The following MYO3B variants were observed in gnomAD, a reference collection of about 807,000 sequenced individuals.
The protein encoded by MYO3B is myosin-IIIb.
Under a neutral mutation model 174.6 loss-of-function variants are expected in MYO3B, and 156 were observed. The observed-to-expected ratio is 0.89, with a 90% CI of 0.78 to 1.02. The LOEUF (loss-of-function observed/expected upper bound fraction) is 1.02. Ranked by LOEUF, MYO3B falls within the 50% of genes least tolerant of loss-of-function variation. The pLI, the probability that MYO3B is intolerant of heterozygous loss-of-function variation, is 0.00. For missense variants in MYO3B, 1,632 were observed against 1,639.4 expected (o/e 1.00, Z 0.08); for synonymous variants, 563 against 569.1 (o/e 0.99, Z 0.15).
At chr2:170,342,480 G>C (rs1439483950) in intron 8 of MYO3B, 2 of 152,206 alleles carry the variant, frequency 1.3e-5, no homozygotes, top group Non-Finnish European at 2.9e-5. Context: ...AGCTGTGGAA[G>C]AGCTGTGCTA....
At position 170,542,956 on chromosome 2, in the gene MYO3B, A is replaced by T. The variant is rs1264190256; in HGVS notation, c.3626A>T (p.His1209Leu). The change falls in exon 31 of 35, where the codon CAT becomes CTT. Residue 1209 changes from histidine (H) to leucine (L), a missense_variant. Transcript: ENST00000408978. ...SPKGCDIFAG[H>L]ANKHSVSGTD... Reference sequence around the variant, plus strand: ...AAAGGGTGCGATATCTTCGCAGGACATGCAAACAAGGTAGCTGGATATCTT... The same window carrying T: ...AAAGGGTGCGATATCTTCGCAGGACTTGCAAACAAGGTAGCTGGATATCTT... 6.2e-7 allele frequency: 1 copy of T among 1,609,876 alleles called. No homozygotes were observed. Among genetic ancestry groups the T allele is most frequent in the Non-Finnish European group, 8.5e-7 (1 of 1,177,676 alleles).
chr2:170,412,366 G>A (rs2094551539), intron 22 of MYO3B: 1 of 152,166 alleles, frequency 6.6e-6, no homozygotes, highest in African/African-American at 2.4e-5. Context: ...GGAAAAATAA[G>A]AATAGCACCA....
chr2:170,516,620 G>A (rs60055309), intron 29 of MYO3B, among the ~76,000 whole-genome samples: 16,927 of 148,788 alleles, frequency 0.11, 1,014 homozygotes, highest in South Asian at 0.14. Context: ...TACAGCCTGG[G>A]CAACAGAGCC....
At chr2:170,492,003 G>C (rs935823630) in intron 25 of MYO3B, among the ~76,000 whole-genome samples, 14 of 151,778 alleles carry the variant, frequency 9.2e-5, no homozygotes, top group Admixed American at 2.0e-4. Context: ...GCAGTGAGCT[G>C]GATCTCACCA....
chr2:170,185,981 G>A (rs1041032639), intron 1 of MYO3B, among the ~76,000 whole-genome samples: 1 of 152,020 alleles, frequency 6.6e-6, no homozygotes, highest in African/African-American at 2.4e-5. Context: ...TTTGTATGTT[G>A]ATTTTGTATC....
chr2:170,628,144 G>C (rs188780974), intron 32 of MYO3B, among the ~76,000 whole-genome samples: 25 of 152,326 alleles, frequency 1.6e-4, no homozygotes, highest in African/African-American at 6.0e-4. Flanking sequence ...TGCCTCCAGA[G>C]ATGGAGTCTA....
At chr2:170,459,582 A>C (rs1335787010) in intron 23 of MYO3B, among the ~76,000 whole-genome samples, 2 of 152,154 alleles carry the variant, frequency 1.3e-5, no homozygotes, top group East Asian at 3.9e-4. Context: ...TGCCTACTGG[A>C]TCCTGCTGCA....
intron 7 of MYO3B, among the ~76,000 whole-genome samples, chr2:170,293,934 A>T (rs910801426): frequency 1.4e-4 from 21 of 151,936 alleles, no homozygotes; most frequent in African/African-American, 5.1e-4. Flanking sequence ...GAGGGAAAAA[A>T]ATGATAAATT....
chr2:170,596,013 TTC>T lies in MYO3B; in HGVS notation c.3733+52033_3733+52034del, dbSNP rs1193677003. Among the ~76,000 whole-genome samples, 9 of 152,202 alleles carry T rather than the reference TTC, an allele frequency of 5.9e-5. No homozygotes were observed. In the East Asian group the frequency reaches 1.7e-3, roughly 29 times the overall value. On this transcript the variant is annotated intron_variant, in intron 32 of 34. Transcript: ENST00000408978. ...TCACCATCTATTACACCTTTTATTA[TTC>T]TCTCTCTTGTTGATGCTATATTTTG...
chr2:170,584,445 T>C (rs191005480), intron 32 of MYO3B, among the ~76,000 whole-genome samples: 71 of 152,368 alleles, frequency 4.7e-4, no homozygotes, highest in African/African-American at 1.5e-3. Flanking sequence ...TAACTTTTAT[T>C]ACTTGAGCCT....
chr2:170,584,752 G>A (rs1320656044), intron 32 of MYO3B, among the ~76,000 whole-genome samples: 2 of 152,204 alleles, frequency 1.3e-5, no homozygotes, highest in African/African-American at 4.8e-5. Flanking sequence ...AAGTTAAAAG[G>A]CAACTTAGAA....
At chr2:170,641,392 T>C (rs552912169) in intron 32 of MYO3B, 1 of 152,300 alleles carries the variant, frequency 6.6e-6, no homozygotes, top group African/African-American at 2.4e-5. Context: ...GGATGGCGAT[T>C]GAAAAAAACA....
chr2:170,272,865 A>G (rs2093435396), intron 7 of MYO3B, among the ~76,000 whole-genome samples: 1 of 152,192 alleles, frequency 6.6e-6, no homozygotes, highest in African/African-American at 2.4e-5. Flanking sequence ...TCAATCTTGT[A>G]CATCTCATAA....
intron 8 of MYO3B, 113 bp downstream of exon 8, chr2:170,335,563 C>T (rs778007467): frequency 2.2e-5 from 17 of 773,530 alleles, no homozygotes; most frequent in Admixed American, 5.4e-5. Flanking sequence ...CCTGTTAGCA[C>T]GTTATGACTC....
intron 32 of MYO3B, among the ~76,000 whole-genome samples, chr2:170,626,729 G>C (rs1463623508): frequency 6.6e-6 from 1 of 152,298 alleles, no homozygotes; most frequent in Admixed American, 6.5e-5. Flanking sequence ...AGGAGCTCTT[G>C]TAGGGCAGGC....
chr2:170,261,467 T>G (rs778833420), intron 7 of MYO3B, among the ~76,000 whole-genome samples: 3 of 152,186 alleles, frequency 2.0e-5, no homozygotes, highest in Non-Finnish European at 4.4e-5. Context: ...GAGGGAGAAT[T>G]GATCCCGTCA....
chr2:170,511,976 A>G (rs751256460), intron 28 of MYO3B, among the ~76,000 whole-genome samples: 10 of 152,224 alleles, frequency 6.6e-5, no homozygotes, highest in African/African-American at 9.7e-5. Context: ...AGGAAGGGGA[A>G]TTCCCCAGAC....
rs201733588 is a variant in MYO3B, at chr2:170,449,478, C to CA, written c.2730+5441dup. 3.3e-3 allele frequency among the ~76,000 whole-genome samples: 501 copies of CA among 151,014 alleles called. 1 individual carries two copies. Among genetic ancestry groups the CA allele is most frequent in the African/African-American group, 0.011 (466 of 41,244 alleles). On this transcript the variant is annotated intron_variant, in intron 23 of 34. Transcript: ENST00000408978. Reference sequence around the variant, plus strand: ...CAATTGCTAAATGTTCTAAATAACTCAAAAAAAAAGTTTTCTTGGCTGAAC... The same window carrying CA: ...CAATTGCTAAATGTTCTAAATAACTCAAAAAAAAAAGTTTTCTTGGCTGAAC...
At chr2:170,313,903 G>A (rs1328517905) in intron 7 of MYO3B, among the ~76,000 whole-genome samples, 4 of 152,120 alleles carry the variant, frequency 2.6e-5, no homozygotes, top group African/African-American at 9.7e-5. Context: ...GGAGAAGGGA[G>A]CCAGAGCTAC....
Sources: gnomAD v4.1 joint callset for allele counts (sites outside exome capture counted in the v4.1 genomes callset) on GRCh38, gnomAD v4.1.1 for gene constraint, MANE v1.5 for transcripts, NCBI Gene and HGNC (gene_info 2026-07-23, HGNC 2026-07-21) for gene names.